The following DACH2 variants were observed in gnomAD, a reference collection of about 807,000 sequenced individuals.
The protein encoded by DACH2 is dachshund family transcription factor 2, also known as dachshund homolog 2.
A neutral mutation model predicts 35.8 loss-of-function variants in DACH2; 17 were observed. The ratio of observed to expected loss-of-function variants is 0.48; its 90% CI spans 0.33 to 0.71. The LOEUF (loss-of-function observed/expected upper bound fraction) is 0.71, where lower values mean the gene tolerates loss of function less well. Ranked by LOEUF, DACH2 falls within the 30% of genes least tolerant of loss-of-function variation. DACH2 has a pLI of 0.02. For missense variants in DACH2, 469 were observed against 472.7 expected (o/e 0.99, Z 0.07); for synonymous variants, 195 against 177.3 (o/e 1.10, Z -0.79).
chrX:86,784,012 G>A (rs138343314), intron 7 of DACH2, among the ~76,000 whole-genome samples: 1,641 of 110,665 alleles, frequency 0.015, 30 homozygotes, highest in African/African-American at 0.051. Context: ...TTTGTAACTC[G>A]AAGGGTAAGT....
At chrX:86,340,669 T>C in intron 1 of DACH2, among the ~76,000 whole-genome samples, 1 of 111,994 alleles carries the variant, frequency 8.9e-6, no homozygotes. Flanking sequence ...CCCTCTGAGA[T>C]AGGCCAAAAG....
intron 3 of DACH2, among the ~76,000 whole-genome samples, chrX:86,540,069 A>G (rs1372375083): frequency 8.9e-6 from 1 of 111,807 alleles, no homozygotes; most frequent in South Asian, 3.7e-4. Flanking sequence ...ATTCAAAATA[A>G]TGTTATGTTT....
In DACH2 at chrX:86,318,158, G is replaced by T. The variant is rs6623651; in HGVS notation, c.489-58666G>T. Among the ~76,000 whole-genome samples, 227 of 112,039 alleles carry T rather than the reference G, an allele frequency of 2.0e-3. 3 individuals are homozygous for T. In the East Asian group the frequency reaches 0.057, roughly 28 times the overall value. On this transcript the variant is annotated intron_variant, in intron 1 of 11. Transcript: ENST00000373125. The stretch of plus-strand genomic sequence containing the variant: ...AGCAAACAAATATGTTTCAAACCTT[G>T]TTTACAGGAGTATACCTTACTTAGT...
At chrX:86,460,296 T>A (rs1452625135) in intron 2 of DACH2, among the ~76,000 whole-genome samples, 1 of 111,295 alleles carries the variant, frequency 9.0e-6, no homozygotes, top group African/African-American at 3.2e-5. Flanking sequence ...ATAAGAATAC[T>A]ACATTTCAAA....
intron 1 of DACH2, among the ~76,000 whole-genome samples, chrX:86,319,515 G>T (rs1168198698): frequency 9.0e-6 from 1 of 111,272 alleles, no homozygotes; most frequent in Non-Finnish European, 1.9e-5. Context: ...GCATAGTTAG[G>T]GTCATGGTTA....
rs765439955 is a variant in DACH2, at chrX:86,714,608, C to G, written c.992C>G (p.Ala331Gly). ...CTACTTCCAGTCAGCTTACCTCCTG[C>G]ATCAGTTGCCATGGCAATGAATCAG... ...HPLLPVSLPP[A>G]SVAMAMNQMN... Residue 331 changes from alanine to glycine, a missense_variant, in exon 6 of 12, where the codon GCA (alanine) becomes GGA (glycine). Physicochemically the swap from Ala to Gly is moderately conservative, Grantham distance 60. Coordinates refer to ENST00000373125, the MANE Select transcript of DACH2 (RefSeq NM_053281.3). 2 of 1,208,901 alleles carry G rather than the reference C, an allele frequency of 1.7e-6. No individual in the cohort carries two copies. Among genetic ancestry groups the G allele is most frequent in the Admixed American group, 4.4e-5 (2 of 45,949 alleles).
intron 2 of DACH2, among the ~76,000 whole-genome samples, chrX:86,405,629 C>G (rs1190915810): frequency 9.0e-6 from 1 of 111,552 alleles, no homozygotes; most frequent in African/African-American, 3.3e-5. Context: ...TCCCACATTT[C>G]CCTGTCTTCT....
At chrX:86,781,391 G>A (rs1569481610) in intron 7 of DACH2, among the ~76,000 whole-genome samples, 1 of 111,596 alleles carries the variant, frequency 9.0e-6, no homozygotes, top group Non-Finnish European at 1.9e-5. Flanking sequence ...TATGGTCAAA[G>A]TATTATGTAT....
At chrX:86,651,233 G>A in intron 4 of DACH2, 66 bp downstream of exon 4, 1 of 1,108,651 alleles carries the variant, frequency 9.0e-7, no homozygotes, top group South Asian at 2.2e-5. Context: ...GGAGAGAGGT[G>A]GGATGAGGAT....
At chrX:86,686,894 C>T (rs932317278) in intron 4 of DACH2, among the ~76,000 whole-genome samples, 5 of 111,913 alleles carry the variant, frequency 4.5e-5, no homozygotes, top group Non-Finnish European at 1.9e-5. Context: ...AGCCACTGTG[C>T]TTTAAAGTGG....
intron 1 of DACH2, among the ~76,000 whole-genome samples, chrX:86,193,116 A>C (rs1477591688): frequency 2.7e-5 from 3 of 111,860 alleles, no homozygotes; most frequent in Admixed American, 9.5e-5. Context: ...TATAAATTCT[A>C]TTTACTTATT....
chrX:86,414,445 C>G (rs780264529), intron 2 of DACH2, among the ~76,000 whole-genome samples: 9 of 111,234 alleles, frequency 8.1e-5, no homozygotes, highest in African/African-American at 2.9e-4. Flanking sequence ...ATCTTGGGAT[C>G]CAATTATTCC....
chrX:86,806,943 A>C (rs748332135), intron 7 of DACH2, among the ~76,000 whole-genome samples: 2 of 111,605 alleles, frequency 1.8e-5, no homozygotes, highest in African/African-American at 6.5e-5. Flanking sequence ...TTTCTTTCCT[A>C]TGCTTTGTGG....
At chrX:86,530,452 A>C (rs1028784761) in intron 3 of DACH2, among the ~76,000 whole-genome samples, 1 of 111,211 alleles carries the variant, frequency 9.0e-6, no homozygotes, top group Non-Finnish European at 1.9e-5. Flanking sequence ...GTGAGTTTTC[A>C]TGAGATCTGA....
At chrX:86,459,786 T>G (rs2037536025) in intron 2 of DACH2, among the ~76,000 whole-genome samples, 1 of 111,309 alleles carries the variant, frequency 9.0e-6, no homozygotes, top group South Asian at 3.7e-4. Flanking sequence ...AGCATTTCTA[T>G]TCCCAAAATG....
At chrX:86,567,619 A>G (rs1273751832) in intron 3 of DACH2, among the ~76,000 whole-genome samples, 1 of 111,580 alleles carries the variant, frequency 9.0e-6, no homozygotes, top group African/African-American at 3.3e-5. Flanking sequence ...ATTTCTACAT[A>G]TCTCCCACAG....
intron 6 of DACH2, among the ~76,000 whole-genome samples, chrX:86,716,830 A>G (rs2041342368): frequency 8.9e-6 from 1 of 112,000 alleles, no homozygotes; most frequent in East Asian, 2.8e-4. Flanking sequence ...ACCCATTATG[A>G]CAATATAACT....
intron 2 of DACH2, among the ~76,000 whole-genome samples, chrX:86,430,900 C>A: frequency 9.0e-6 from 1 of 111,646 alleles, no homozygotes; most frequent in Middle Eastern, 4.7e-3. Context: ...ATTGGTGAGA[C>A]GATGACATGT....
At chrX:86,610,442 CT>C (rs2039928853) in intron 3 of DACH2, among the ~76,000 whole-genome samples, 1 of 78,576 alleles carries the variant, frequency 1.3e-5, no homozygotes, top group Non-Finnish European at 2.4e-5. Context: ...TTCTTTCTTT[CT>C]TTCTTTTTCT....
Sources: allele counts gnomAD v4.1 joint callset (sites outside exome capture counted in the v4.1 genomes callset), GRCh38; gene constraint gnomAD v4.1.1; transcripts MANE v1.5; gene names NCBI Gene and HGNC (gene_info 2026-07-23, HGNC 2026-07-21).